The following TXNRD2 variants were observed in gnomAD, a reference collection of about 807,000 sequenced individuals.
The protein encoded by TXNRD2 is thioredoxin reductase 2, mitochondrial.
A neutral mutation model predicts 70.8 loss-of-function variants in TXNRD2; 67 were observed. That is an observed-to-expected ratio of 0.95 (90% CI 0.78 to 1.16). TXNRD2 has a LOEUF of 1.16. Ranked by LOEUF, TXNRD2 falls within the 50% of genes most tolerant of loss-of-function variation. The pLI is 0.00. For missense variants in TXNRD2, 644 were observed against 719.9 expected (o/e 0.89, Z 1.21); for synonymous variants, 301 against 295.8 (o/e 1.02, Z -0.18).
chr22:19,932,640 G>T, intron 1 of TXNRD2: 1 of 1,327,148 alleles, frequency 7.5e-7, no homozygotes, highest in South Asian at 1.5e-5. Flanking sequence ...GTGAGGGCAG[G>T]GTGGGGACTG....
intron 11 of TXNRD2, among the ~76,000 whole-genome samples, chr22:19,889,414 C>T (rs1303529162): frequency 6.6e-6 from 1 of 152,092 alleles, no homozygotes; most frequent in East Asian, 1.9e-4. Flanking sequence ...AGTTCGAGAC[C>T]AGCCTGGCTA....
intron 4 of TXNRD2, among the ~76,000 whole-genome samples, chr22:19,918,500 C>A (rs1261215709): frequency 3.3e-5 from 5 of 152,222 alleles, no homozygotes; most frequent in African/African-American, 1.2e-4. Context: ...AGAGGCCTAT[C>A]TGAGCCAATG....
At chr22:19,892,832 G>A (rs1378003838) in intron 11 of TXNRD2, among the ~76,000 whole-genome samples, 1 of 152,220 alleles carries the variant, frequency 6.6e-6, no homozygotes, top group African/African-American at 2.4e-5. Context: ...ATAAAGTGGA[G>A]TTTAGGATGA....
intron 8 of TXNRD2, chr22:19,902,989 GAC>G: frequency 1.9e-6 from 1 of 518,812 alleles, no homozygotes; most frequent in Non-Finnish European, 3.8e-6. Flanking sequence ...ATGACACACT[GAC>G]AGGCAGCCTT....
At chr22:19,934,735 T>C (rs1941485777) in intron 1 of TXNRD2, among the ~76,000 whole-genome samples, 2 of 151,988 alleles carry the variant, frequency 1.3e-5, no homozygotes, top group Admixed American at 1.3e-4. Context: ...GCTAATTTTT[T>C]GTACTTTCAG....
chr22:19,880,931 G>A, intron 12 of TXNRD2: 1 of 598,538 alleles, frequency 1.7e-6, no homozygotes. Context: ...CCTGTTTGCT[G>A]CCCTCCACTC....
intron 8 of TXNRD2, among the ~76,000 whole-genome samples, chr22:19,902,384 C>G (rs372154156): frequency 3.3e-5 from 5 of 152,294 alleles, no homozygotes; most frequent in Admixed American, 1.3e-4. Flanking sequence ...TTCAGGCCCA[C>G]GAAGCCTAGG....
intron 16 of TXNRD2, 150 bp downstream of exon 16, chr22:19,877,940 G>A (rs1938582604): frequency 1.4e-6 from 1 of 734,996 alleles, no homozygotes; most frequent in Non-Finnish European, 2.4e-6. Context: ...AACCCGCCCT[G>A]TCTGAGGGGC....
chr22:19,941,796 G>A lies in TXNRD2; in HGVS notation c.8C>T (p.Ala3Val). 2 of 1,535,004 alleles carry A rather than the reference G, an allele frequency of 1.3e-6. No homozygotes were observed. Among genetic ancestry groups the A allele is most frequent in the Non-Finnish European group, 8.7e-7 (1 of 1,151,916 alleles). ...TAATCCCCGCAGCGCCACCGCCATT[G>A]CCGCCATCGTCGTGGGGCTTCTGGG... MA[A>V]MAVALRGLGG... Residue 3 changes from alanine to valine, a missense_variant, in exon 1 of 18, where the codon GCA becomes GTA. By Grantham distance (64) the Ala-to-Val change is moderately conservative. Transcript: ENST00000400521.
chr22:19,906,500 T>G (rs1858773), intron 8 of TXNRD2, among the ~76,000 whole-genome samples: 15,256 of 152,028 alleles, frequency 0.1, 905 homozygotes, highest in East Asian at 0.21. Flanking sequence ...CGAGCGCCTG[T>G]AATCCCAGCT....
rs922171283 is a variant in TXNRD2 at position 19,880,876 on chromosome 22, T to A, written c.1087-159A>T. ...CGTACAGCATTCCCCCTAGAGCTCG[T>A]CCTCCTGAGGGGCATCCCAAGGACC... is the stretch of plus-strand genomic sequence containing the variant. On this transcript the variant is annotated intron_variant, in intron 12 of 17. Coordinates refer to ENST00000400521, the MANE Select transcript of TXNRD2 (RefSeq NM_006440.5). 2.4e-4 allele frequency: 153 copies of A among 626,390 alleles called. 1 individual carries two copies. The highest frequency in any genetic ancestry group is 3.7e-4 in the Non-Finnish European group (128 of 350,058). The allele number at this position is 626,390 out of a possible 1,614,324, so 38.8% of individuals were successfully genotyped here. A position where few individuals can be genotyped will look rare whatever the true frequency, so the allele number is the denominator to read the frequency against.
intron 3 of TXNRD2, among the ~76,000 whole-genome samples, chr22:19,919,342 C>T (rs1034515671): frequency 6.7e-6 from 1 of 149,680 alleles, no homozygotes; most frequent in Non-Finnish European, 1.5e-5. Context: ...TGAGTACAGG[C>T]GTGAGCAACT....
intron 2 of TXNRD2, among the ~76,000 whole-genome samples, chr22:19,927,611 A>C (rs973846226): frequency 2.0e-4 from 30 of 147,756 alleles, no homozygotes; most frequent in Non-Finnish European, 4.2e-4. Context: ...CCGAGATTGC[A>C]CCATTTACTG....
chr22:19,920,197 C>A (rs928357008), intron 2 of TXNRD2, among the ~76,000 whole-genome samples: 1 of 152,228 alleles, frequency 6.6e-6, no homozygotes, highest in African/African-American at 2.4e-5. Context: ...GACTCCAAAC[C>A]ACACTTCCCG....
chr22:19,918,863 T>C lies in TXNRD2; in HGVS notation c.371A>G (p.Asp124Gly), dbSNP rs757644369. 3.7e-6 allele frequency: 6 copies of C among 1,607,714 alleles called. No individual in the cohort carries two copies. In the South Asian group the frequency reaches 5.5e-5, roughly 15 times the overall value. Residue 124 changes from aspartate (D) to glycine (G), a missense_variant, in exon 4 of 18, where the codon GAC (aspartate) becomes GGC (glycine). Around this residue, in one of 3 missense-constraint regions of TXNRD2, gnomAD observed 566 missense variants for 645.0 expected, o/e 0.88. Coordinates refer to ENST00000400521, the MANE Select transcript of TXNRD2 (RefSeq NM_006440.5). Reference protein sequence around the residue: ...GWEVAQPVPHDWRKMAEAVQN... With the variant: ...GWEVAQPVPHGWRKMAEAVQN... ...TGCCACGGCGCCAGATCCTTACCAG[T>C]CATGCGGCACGGGCTGGGCCACCTC...
At chr22:19,895,214 G>A (rs1370345610) in intron 11 of TXNRD2, 193 bp downstream of exon 11, 1 of 1,598,040 alleles carries the variant, frequency 6.3e-7, no homozygotes, top group Admixed American at 1.7e-5. Context: ...GGGATGGCAA[G>A]ATGGGCACAG....
intron 1 of TXNRD2, chr22:19,933,333 A>C: frequency 1.4e-6 from 1 of 712,940 alleles, no homozygotes. Context: ...TCAGGGAGAA[A>C]ATGCCACCAG....
chr22:19,910,659 C>T (rs1180497004), intron 8 of TXNRD2, among the ~76,000 whole-genome samples: 2 of 152,126 alleles, frequency 1.3e-5, no homozygotes, highest in African/African-American at 4.8e-5. Context: ...CCAGGCTGAG[C>T]GCAGTGGTGC....
chr22:19,890,004 C>T lies in TXNRD2; in HGVS notation c.949+5403G>A. Among the ~76,000 whole-genome samples, 2 of 152,138 alleles carry T rather than the reference C, an allele frequency of 1.3e-5. 1 individual carries two copies. Among genetic ancestry groups the T allele is most frequent in the Non-Finnish European group, 2.9e-5 (2 of 68,044 alleles). ...AGTTGGACAACCATGTATGCAGGTGCCGGCTGGCCTGTCAGATAGCTGTGG... is the reference window on the plus strand; with the variant it reads ...AGTTGGACAACCATGTATGCAGGTGTCGGCTGGCCTGTCAGATAGCTGTGG... On this transcript the variant is annotated intron_variant, in intron 11 of 17. Transcript: ENST00000400521.
Sources: allele counts gnomAD v4.1 joint callset (sites outside exome capture counted in the v4.1 genomes callset), GRCh38; gene constraint gnomAD v4.1.1; regional missense constraint gnomAD v4.1.1; transcripts MANE v1.5; gene names NCBI Gene and HGNC (gene_info 2026-07-23, HGNC 2026-07-21).